Variants in DLGAP2 observed in about 807,000 individuals in gnomAD.
DLGAP2 encodes disks large-associated protein 2.
DLGAP2 carries 26 observed loss-of-function variants against 100.3 expected under a neutral mutation model. That is an observed-to-expected ratio of 0.26 (90% CI 0.19 to 0.36). DLGAP2 has a LOEUF of 0.36. DLGAP2 is among the 10% of genes least tolerant of loss of function. The probability of loss-of-function intolerance (pLI) is 1.00; values close to 1 mark genes in which losing one functional copy is unlikely to be tolerated. For missense variants in DLGAP2, 1,858 were observed against 1,453.2 expected, an observed-to-expected ratio of 1.28 and a Z score of -4.53; for synonymous variants, 886 against 630.1, an observed-to-expected ratio of 1.41 and a Z score of -6.08.
At chr8:1,299,256 C>T (rs1316147889) in intron 3 of DLGAP2, among the ~76,000 whole-genome samples, 2 of 152,206 alleles carry the variant, frequency 1.3e-5, no homozygotes, top group Non-Finnish European at 2.9e-5. Flanking sequence ...TGACCGTCCA[C>T]AGAGGCCCCC....
chr8:1,168,818 C>G (rs1258873741), intron 2 of DLGAP2, among the ~76,000 whole-genome samples: 1 of 116,580 alleles, frequency 8.6e-6, no homozygotes, highest in East Asian at 2.4e-4. Context: ...AAATTTTCTC[C>G]CATGTTGTAG....
At chr8:958,517 A>G (rs1799647126) in intron 2 of DLGAP2, among the ~76,000 whole-genome samples, 1 of 149,652 alleles carries the variant, frequency 6.7e-6, no homozygotes, top group South Asian at 2.2e-4. Context: ...TCTTTCTGGA[A>G]TAGTGTTTTG....
chr8:986,185 C>T (rs1002061449), intron 2 of DLGAP2, among the ~76,000 whole-genome samples: 21 of 152,054 alleles, frequency 1.4e-4, no homozygotes, highest in Admixed American at 7.2e-4. Context: ...AAGAGGCTTC[C>T]GGAAGCTCTT....
In DLGAP2 at chr8:997,753, A is replaced by C. The variant is rs541720262; in HGVS notation, c.73+89787A>C. Among the ~76,000 whole-genome samples, 3 of 152,352 alleles carry C rather than the reference A, an allele frequency of 2.0e-5. No individual in the cohort carries two copies. In the South Asian group the frequency reaches 6.2e-4, roughly 32 times the overall value. On this transcript the variant is annotated intron_variant, in intron 2 of 14. Transcript: ENST00000637795. ...ATAATTTTTGAAAAATGAAAGTACT[A>C]TTCCTGCGTTTTCTCGTGCATTTTC...
chr8:1,581,169 C>T (rs546273408), intron 6 of DLGAP2, among the ~76,000 whole-genome samples: 1 of 150,774 alleles, frequency 6.6e-6, no homozygotes, highest in African/African-American at 2.4e-5. Context: ...GAGAAGGATA[C>T]AGACAAAACC....
chr8:883,574 C>T (rs995792260), intron 1 of DLGAP2, among the ~76,000 whole-genome samples: 1 of 150,888 alleles, frequency 6.6e-6, no homozygotes, highest in Non-Finnish European at 1.5e-5. Flanking sequence ...CACAGGTACG[C>T]GTGTGCCGCG....
chr8:1,091,991 T>G (rs1804199472), intron 2 of DLGAP2, among the ~76,000 whole-genome samples: 1 of 152,174 alleles, frequency 6.6e-6, no homozygotes, highest in Admixed American at 6.5e-5. Context: ...ATTTTCTGAT[T>G]GTTCAGTAGT....
chr8:1,180,319 C>T (rs919362699), intron 2 of DLGAP2, among the ~76,000 whole-genome samples: 1 of 152,198 alleles, frequency 6.6e-6, no homozygotes, highest in African/African-American at 2.4e-5. Flanking sequence ...TCCCTCCTGC[C>T]AAATCCCAGT....
chr8:776,724 A>G (rs1224993606), intron 1 of DLGAP2, among the ~76,000 whole-genome samples: 1 of 152,200 alleles, frequency 6.6e-6, no homozygotes, highest in African/African-American at 2.4e-5. Context: ...ATAGTTTCTT[A>G]TAATTTCTGT....
chr8:799,111 G>C (rs189398263), intron 1 of DLGAP2, among the ~76,000 whole-genome samples: 1 of 152,172 alleles, frequency 6.6e-6, no homozygotes, highest in Non-Finnish European at 1.5e-5. Context: ...CACCAGCTGT[G>C]ACTTCTTTTG....
chr8:1,651,638 G>A (rs150188163), intron 8 of DLGAP2, among the ~76,000 whole-genome samples: 1 of 152,224 alleles, frequency 6.6e-6, no homozygotes, highest in African/African-American at 2.4e-5. Flanking sequence ...CAGCTCCAAT[G>A]GCTTAAGCCC....
chr8:1,473,248 G>C, intron 3 of DLGAP2, among the ~76,000 whole-genome samples: 1 of 152,152 alleles, frequency 6.6e-6, no homozygotes, highest in Non-Finnish European at 1.5e-5. Flanking sequence ...GATTATATCG[G>C]CTTTATTCAT....
rs1327054207 is a variant in DLGAP2, at chr8:1,626,957, C to T, written c.1590+70C>T. On this transcript the variant is annotated intron_variant, in intron 7 of 14. Transcript: ENST00000637795. ...GCCAGGCTGGCACGGAGGCCCCGGC[C>T]GCATAGGTGGCGATGGCGCTGCCCT... 3.8e-5 allele frequency: 58 copies of T among 1,517,966 alleles called. No individual in the cohort carries two copies. The Middle Eastern group carries it at 8.7e-4, about 23-fold the overall frequency. The allele number at this position is 1,517,966 out of a possible 1,614,324, so 94.0% of individuals were successfully genotyped here. A position where few individuals can be genotyped will look rare whatever the true frequency, so the allele number is the denominator to read the frequency against.
chr8:1,436,659 C>A (rs1797639216), intron 3 of DLGAP2, among the ~76,000 whole-genome samples: 1 of 152,124 alleles, frequency 6.6e-6, no homozygotes, highest in Non-Finnish European at 1.5e-5. Context: ...CCCAAGTTTG[C>A]AGTGTGTGTA....
chr8:1,143,107 G>C (rs553531235), intron 2 of DLGAP2, among the ~76,000 whole-genome samples: 1 of 152,324 alleles, frequency 6.6e-6, no homozygotes, highest in South Asian at 2.1e-4. Flanking sequence ...TGTTAGCGCA[G>C]CGGCCACCCT....
intron 3 of DLGAP2, among the ~76,000 whole-genome samples, chr8:1,363,582 G>C (rs958992981): frequency 1.3e-5 from 2 of 152,214 alleles, no homozygotes; most frequent in Non-Finnish European, 2.9e-5. Flanking sequence ...GGTCCTGGCT[G>C]TCTTCTCACA....
chr8:868,482 C>T (rs1797538431), intron 1 of DLGAP2, among the ~76,000 whole-genome samples: 1 of 152,232 alleles, frequency 6.6e-6, no homozygotes. Context: ...GCACGGTGAG[C>T]CGTGCACTGT....
At chr8:1,229,809 A>G (rs539224882) in intron 2 of DLGAP2, among the ~76,000 whole-genome samples, 25 of 152,300 alleles carry the variant, frequency 1.6e-4, no homozygotes, top group African/African-American at 4.8e-4. Context: ...GCTTTAGATA[A>G]AATCCAACAC....
chr8:1,270,890 T>G (rs1197857062), intron 3 of DLGAP2, among the ~76,000 whole-genome samples: 1 of 152,170 alleles, frequency 6.6e-6, no homozygotes, highest in Non-Finnish European at 1.5e-5. Context: ...TTTCTAGATG[T>G]TCTTCGTAAA....
Sources: allele counts gnomAD v4.1 joint callset (sites outside exome capture counted in the v4.1 genomes callset), GRCh38; gene constraint gnomAD v4.1.1; transcripts MANE v1.5; gene names NCBI Gene and HGNC (gene_info 2026-07-23, HGNC 2026-07-21).